PLEKHA1: variants seen among roughly 807,000 people sequenced by gnomAD.
The protein encoded by PLEKHA1 is pleckstrin homology domain containing A1, also known as pleckstrin homology domain-containing family A member 1.
A neutral mutation model predicts 52.0 loss-of-function variants in PLEKHA1; 34 were observed. That is an observed-to-expected ratio of 0.65 (90% CI 0.50 to 0.87). The LOEUF (loss-of-function observed/expected upper bound fraction) is 0.87. PLEKHA1 is among the 40% of genes least tolerant of loss of function. The pLI is 0.00. For missense variants in PLEKHA1, 497 were observed against 504.2 expected (o/e 0.99, Z 0.14); for synonymous variants, 163 against 170.7 (o/e 0.95, Z 0.35).
At chr10:122,427,167 C>T in intron 11 of PLEKHA1, 136 bp downstream of exon 11, 1 of 747,454 alleles carries the variant, frequency 1.3e-6, no homozygotes, top group Admixed American at 3.0e-5. Context: ...ATTGGACTTG[C>T]AAAAAATAAT....
intron 1 of PLEKHA1, among the ~76,000 whole-genome samples, chr10:122,384,007 G>A (rs117811194): frequency 0.031 from 4,698 of 152,008 alleles, 95 homozygotes; most frequent in Non-Finnish European, 0.049. Context: ...GTAGTCTCTC[G>A]TGTTGTTCTG....
chr10:122,417,262 T>TGG (rs1471396564), intron 7 of PLEKHA1, among the ~76,000 whole-genome samples: 1 of 152,052 alleles, frequency 6.6e-6, no homozygotes, highest in Non-Finnish European at 1.5e-5. Flanking sequence ...TTTAATAACA[T>TGG]TTCCTGTGTT....
chr10:122,378,719 G>A (rs2096571824), intron 1 of PLEKHA1, among the ~76,000 whole-genome samples: 1 of 148,356 alleles, frequency 6.7e-6, no homozygotes, highest in South Asian at 2.2e-4. Context: ...CTGGGTGACA[G>A]GAGAGTGAGA....
Position 122,417,923 on chromosome 10 carries a change from T to C in PLEKHA1, c.636T>C (p.Tyr212=), listed in dbSNP as rs1565288360. 3 of 1,611,768 alleles carry C rather than the reference T, an allele frequency of 1.9e-6. No homozygotes were observed. Among genetic ancestry groups the C allele is most frequent in the Middle Eastern group, 1.7e-4 (1 of 6,052 alleles). ...GAVMKNWKRR[Y]FQLDENTIGY... is the part of the protein sequence containing the mutation. ...AGATGAAAAACTGGAAGAGAAGATA[T>C]TTTCAATTGGATGAAAACACAATAG... The change falls in exon 8 of 12, where the codon TAT becomes TAC. Residue 212 remains tyrosine, a synonymous_variant. Coordinates refer to ENST00000368990, the MANE Select transcript of PLEKHA1 (RefSeq NM_001001974.4).
At chr10:122,396,677 T>G (rs1036465739) in intron 2 of PLEKHA1, among the ~76,000 whole-genome samples, 10 of 152,056 alleles carry the variant, frequency 6.6e-5, no homozygotes, top group Non-Finnish European at 1.3e-4. Context: ...TTTAAGTACG[T>G]TATTATAAAG....
At chr10:122,421,765 A>C (rs1316384963) in intron 8 of PLEKHA1, 2 of 152,212 alleles carry the variant, frequency 1.3e-5, no homozygotes, top group Non-Finnish European at 2.9e-5. Flanking sequence ...ATCACTGATA[A>C]TTAGAGAAAT....
chr10:122,393,110 C>A lies in PLEKHA1; in HGVS notation c.-20-71C>A. On this transcript the variant is annotated intron_variant, in intron 1 of 11. Transcript: ENST00000368990. This position sits in a 1 kb window ranked among gnomAD's most constrained non-coding sequence, Gnocchi z 4.5. ...GTTGGCAAGTTGCCCCCTCATTGAA[C>A]AGATTTGCAGTCCATGAGAAATACT... 1.6e-6 allele frequency: 2 copies of A among 1,262,246 alleles called. No homozygotes were observed. Among genetic ancestry groups the A allele is most frequent in the Non-Finnish European group, 2.1e-6 (2 of 938,154 alleles). The allele number at this position is 1,262,246 out of a possible 1,614,324, so 78.2% of individuals were successfully genotyped here. A position where few individuals can be genotyped will look rare whatever the true frequency, so the allele number is the denominator to read the frequency against.
chr10:122,386,623 C>T (rs1036296659), intron 1 of PLEKHA1: 1 of 152,152 alleles, frequency 6.6e-6, no homozygotes, highest in Admixed American at 6.5e-5. Context: ...TACATTGAGT[C>T]AGTGATCCAT....
chr10:122,406,582 A>G lies in PLEKHA1; in HGVS notation c.251A>G (p.Asn84Ser). ...TATTTTTTTCTGTCAACAGTTATGA[A>G]TGCAGGAATGAGGAAGTACTTCCTA... ...RPKAEFCFVM[N>S]AGMRKYFLQA... Residue 84 changes from asparagine (N) to serine (S), a missense_variant, in exon 5 of 12, where the codon AAT (asparagine) becomes AGT (serine). Asn to Ser is a conservative substitution (Grantham distance 46, BLOSUM62 1). Transcript: ENST00000368990. 6.2e-7 allele frequency: 1 copy of G among 1,610,028 alleles called. No homozygotes were observed. Among genetic ancestry groups the G allele is most frequent in the South Asian group, 1.1e-5 (1 of 90,960 alleles).
At chr10:122,414,075 A>G (rs1249611970) in intron 6 of PLEKHA1, among the ~76,000 whole-genome samples, 1 of 152,092 alleles carries the variant, frequency 6.6e-6, no homozygotes, top group Non-Finnish European at 1.5e-5. Context: ...TACATTTTCC[A>G]CCAAAGTTGG....
At chr10:122,408,774 A>C (rs2134555402) in intron 5 of PLEKHA1, among the ~76,000 whole-genome samples, 1 of 152,246 alleles carries the variant, frequency 6.6e-6, no homozygotes, top group African/African-American at 2.4e-5. Context: ...TAAAGTGTGG[A>C]ATCTCCAATT....
intron 1 of PLEKHA1, among the ~76,000 whole-genome samples, chr10:122,386,156 GT>G (rs201449337): frequency 2.0e-5 from 3 of 151,948 alleles, no homozygotes; most frequent in East Asian, 3.9e-4. Context: ...TGTTGTCAGG[GT>G]TTTTTTTGTT....
Position 122,424,169 on chromosome 10 carries a change from CTG to C in PLEKHA1, c.682-28_682-27del, listed in dbSNP as rs1491453530. The C allele has an allele frequency of 9.2e-4, 670 of 728,562 alleles. 4 individuals are homozygous for C. In the African/African-American group the frequency reaches 0.019, roughly 21 times the overall value. 45.1% of individuals were successfully genotyped at this position (728,562 alleles called of 1,614,324 possible). ...GATTTTAAGAATAAACATCATGTAACTGTTTTTTTTTTTTTTTTTTTTTTGCC... is the reference window on the plus strand; with the variant it reads ...GATTTTAAGAATAAACATCATGTAACTTTTTTTTTTTTTTTTTTTTTTGCC... On this transcript the variant is annotated intron_variant, in intron 8 of 11. Transcript: ENST00000368990.
intron 8 of PLEKHA1, chr10:122,422,345 T>C (rs1249920655): frequency 1.3e-5 from 2 of 152,204 alleles, no homozygotes; most frequent in African/African-American, 4.8e-5. Flanking sequence ...CCCCACAAGA[T>C]ACTTAACAGT....
chr10:122,422,781 T>C (rs1473439487), intron 8 of PLEKHA1: 2 of 152,218 alleles, frequency 1.3e-5, no homozygotes, highest in Non-Finnish European at 2.9e-5. Context: ...GCATCAGTGT[T>C]GAGTTTCCAG....
intron 1 of PLEKHA1, among the ~76,000 whole-genome samples, chr10:122,388,616 T>C (rs546330429): frequency 3.9e-5 from 6 of 152,378 alleles, no homozygotes; most frequent in Admixed American, 1.3e-4. Flanking sequence ...ATGTTTACAC[T>C]ATACTGTAAC....
rs1259137139 is a variant in PLEKHA1 at position 122,400,443 on chromosome 10, GTAAAAGAAAAC to G, written c.244+57_244+67del. Reference sequence around the variant, plus strand: ...TAGACTGATATAATTGTATCATATTGTAAAAGAAAACTGTTGCAGAAAACCACACAAAACCT... The same window carrying G: ...TAGACTGATATAATTGTATCATATTGTGTTGCAGAAAACCACACAAAACCT... On this transcript the variant is annotated intron_variant, in intron 4 of 11. Coordinates refer to ENST00000368990, the MANE Select transcript of PLEKHA1 (RefSeq NM_001001974.4). The G allele has an allele frequency of 2.0e-5, 29 of 1,482,910 alleles. No homozygotes were observed. The Admixed American group carries it at 6.3e-4, about 32-fold the overall frequency. 91.9% of individuals were successfully genotyped at this position (1,482,910 alleles called of 1,614,324 possible).
At chr10:122,440,424 T>C in the PLEKHA1 span, 2 of 151,282 alleles carry the variant, frequency 1.3e-5, no homozygotes, top group Non-Finnish European at 2.9e-5. Flanking sequence ...ACCTTCCTGC[T>C]ATTATTTGTG....
At chr10:122,396,340 A>ACATTTCTTTTCCT (rs1398936642) in intron 2 of PLEKHA1, among the ~76,000 whole-genome samples, 1 of 152,112 alleles carries the variant, frequency 6.6e-6, no homozygotes, top group Non-Finnish European at 1.5e-5. Flanking sequence ...TCCTTCTTTA[A>ACATTTCTTTTCCT]AGTTAAAAAC....
Sources: gnomAD v4.1 joint callset for allele counts (sites outside exome capture counted in the v4.1 genomes callset) on GRCh38, gnomAD v4.1.1 for gene constraint, Gnocchi (gnomAD v3.1) non-coding constraint, MANE v1.5 for transcripts, NCBI Gene and HGNC (gene_info 2026-07-23, HGNC 2026-07-21) for gene names.